Variants in DNM3 observed in about 807,000 individuals in gnomAD.
DNM3 encodes the protein dynamin 3, also known as dynamin-3.
A neutral mutation model predicts 101.6 loss-of-function variants in DNM3; 47 were observed. The ratio of observed to expected loss-of-function variants is 0.46; its 90% CI spans 0.37 to 0.59. The LOEUF is 0.59. Among genes scored for constraint, DNM3 ranks in the 20% least tolerant of loss-of-function variants. The pLI is 0.00. For missense variants in DNM3, 849 were observed against 1,085.7 expected (o/e 0.78, Z 3.06); for synonymous variants, 385 against 387.9 (o/e 0.99, Z 0.09).
In DNM3 at chr1:171,907,893, A is replaced by G. The variant is rs142623445; in HGVS notation, c.162-13855A>G. On this transcript the variant is annotated intron_variant, in intron 1 of 20. Transcript: ENST00000627582. ...GATAACTACTTTTTCATGTTGACAT[A>G]CAGAATTGGAATATATCTAAAACAC... 2.3e-3 allele frequency among the ~76,000 whole-genome samples: 345 copies of G among 152,352 alleles called. 3 individuals are homozygous for G. Among genetic ancestry groups the G allele is most frequent in the African/African-American group, 8.0e-3 (333 of 41,586 alleles).
chr1:171,871,966 C>G (rs1259639303), intron 1 of DNM3, among the ~76,000 whole-genome samples: 1 of 147,566 alleles, frequency 6.8e-6, no homozygotes, highest in Non-Finnish European at 1.5e-5. Context: ...TCAATTTAGC[C>G]AACAATTGCT....
chr1:172,362,778 C>A (rs2067810396), intron 17 of DNM3, among the ~76,000 whole-genome samples: 1 of 151,336 alleles, frequency 6.6e-6, no homozygotes, highest in Non-Finnish European at 1.5e-5. Context: ...CCCCTTTAAT[C>A]CTATCCACAA....
chr1:172,035,721 A>G (rs1268878419), intron 6 of DNM3, among the ~76,000 whole-genome samples: 1 of 152,108 alleles, frequency 6.6e-6, no homozygotes, highest in Non-Finnish European at 1.5e-5. Context: ...GTTCTGTTAG[A>G]TTTGGGTCCT....
At chr1:172,091,303 C>G (rs2053891229) in intron 12 of DNM3, among the ~76,000 whole-genome samples, 1 of 152,066 alleles carries the variant, frequency 6.6e-6, no homozygotes, top group Admixed American at 6.6e-5. Context: ...TGGAAAAGGG[C>G]AGACAAACAC....
At chr1:172,152,264 C>CTTT (rs746363618) in intron 14 of DNM3, among the ~76,000 whole-genome samples, 2 of 136,502 alleles carry the variant, frequency 1.5e-5, no homozygotes, top group African/African-American at 2.7e-5. Flanking sequence ...ACTTCCCTTC[C>CTTT]TTTTTTTTTT....
At chr1:172,142,070 G>A (rs1254334275) in intron 14 of DNM3, 1 of 151,984 alleles carries the variant, frequency 6.6e-6, no homozygotes, top group Non-Finnish European at 1.5e-5. Flanking sequence ...ATGAAGTGTA[G>A]TTTGGACAGA....
chr1:172,370,654 T>C (rs369857494), intron 17 of DNM3, among the ~76,000 whole-genome samples: 4 of 151,948 alleles, frequency 2.6e-5, no homozygotes, highest in African/African-American at 7.2e-5. Context: ...CCTTTGAAGA[T>C]TTTAGGTAGT....
At chr1:172,182,418 T>C (rs1279664277) in intron 14 of DNM3, among the ~76,000 whole-genome samples, 1 of 152,092 alleles carries the variant, frequency 6.6e-6, no homozygotes, top group East Asian at 1.9e-4. Flanking sequence ...ATTACATACC[T>C]TAAATGGTAC....
At chr1:172,352,109 C>T (rs904587522) in intron 17 of DNM3, among the ~76,000 whole-genome samples, 1 of 152,300 alleles carries the variant, frequency 6.6e-6, no homozygotes, top group Middle Eastern at 3.4e-3. Context: ...GGACTTCATT[C>T]CACTGGATGA....
intron 2 of DNM3, among the ~76,000 whole-genome samples, chr1:171,971,413 C>T (rs946627289): frequency 4.6e-5 from 7 of 152,116 alleles, no homozygotes; most frequent in African/African-American, 1.4e-4. Context: ...ATTCATTAAG[C>T]TGCTTATCTT....
At chr1:172,046,365 T>G (rs2049802474) in intron 9 of DNM3, among the ~76,000 whole-genome samples, 2 of 151,852 alleles carry the variant, frequency 1.3e-5, no homozygotes, top group African/African-American at 2.4e-5. Flanking sequence ...TGAGAACACA[T>G]GGACACAGGA....
At chr1:172,260,199 G>A (rs567440113) in intron 15 of DNM3, among the ~76,000 whole-genome samples, 1 of 152,158 alleles carries the variant, frequency 6.6e-6, no homozygotes, top group East Asian at 1.9e-4. Context: ...CTGTTAGTCT[G>A]ATGGGGTTCC....
intron 11 of DNM3, among the ~76,000 whole-genome samples, chr1:172,081,079 A>G (rs376133584): frequency 5.9e-5 from 9 of 151,614 alleles, no homozygotes; most frequent in Middle Eastern, 6.4e-3. Context: ...TAGCCATCTT[A>G]CCAGCCACCA....
chr1:171,954,917 T>C (rs1334531075), intron 2 of DNM3, among the ~76,000 whole-genome samples: 1 of 152,230 alleles, frequency 6.6e-6, no homozygotes, highest in Non-Finnish European at 1.5e-5. Flanking sequence ...TGCTAAGCAG[T>C]TCTGTTTTAA....
intron 17 of DNM3, among the ~76,000 whole-genome samples, chr1:172,334,916 G>C (rs1038790632): frequency 2.0e-5 from 3 of 151,940 alleles, no homozygotes; most frequent in Non-Finnish European, 2.9e-5. Context: ...TCCTCTAAAA[G>C]CCTGTTTCAA....
intron 14 of DNM3, among the ~76,000 whole-genome samples, chr1:172,240,546 ATATGG>A (rs1214379198): frequency 6.6e-6 from 1 of 152,204 alleles, no homozygotes; most frequent in Non-Finnish European, 1.5e-5. Context: ...TTTTACAAAC[ATATGG>A]TATATTTAGC....
chr1:172,247,663 A>ATTTCTTTC (rs2062008654), intron 14 of DNM3, among the ~76,000 whole-genome samples: 2 of 149,560 alleles, frequency 1.3e-5, no homozygotes, highest in Non-Finnish European at 3.0e-5. Flanking sequence ...TTTCTTATTT[A>ATTTCTTTC]TTTATTTATT....
intron 2 of DNM3, among the ~76,000 whole-genome samples, chr1:171,980,381 A>G (rs986014952): frequency 1.3e-5 from 2 of 152,170 alleles, no homozygotes; most frequent in African/African-American, 2.4e-5. Context: ...GTATATATAT[A>G]CCATGTGTAA....
At chr1:171,968,408 G>C (rs1235093087) in intron 2 of DNM3, among the ~76,000 whole-genome samples, 1 of 152,132 alleles carries the variant, frequency 6.6e-6, no homozygotes, top group African/African-American at 2.4e-5. Flanking sequence ...GAATTGAGCA[G>C]AGGTTGGTTT....
Sources: allele counts gnomAD v4.1 joint callset (sites outside exome capture counted in the v4.1 genomes callset), GRCh38; gene constraint gnomAD v4.1.1; transcripts MANE v1.5; gene names NCBI Gene and HGNC (gene_info 2026-07-23, HGNC 2026-07-21).